NIPBL: variants seen among roughly 807,000 people sequenced by gnomAD.
NIPBL encodes nipped-B-like protein.
In NIPBL, 19 loss-of-function variants were observed where a neutral mutation model predicts 321.8. That is an observed-to-expected ratio of 0.06 (90% CI 0.04 to 0.09). The LOEUF (loss-of-function observed/expected upper bound fraction) is 0.09. Among genes scored for constraint, NIPBL ranks in the 10% least tolerant of loss-of-function variants. The pLI is 1.00. For missense variants in NIPBL, 2,210 were observed against 3,327.0 expected (o/e 0.66, Z 8.26); for synonymous variants, 1,106 against 1,114.1 (o/e 0.99, Z 0.14).
chr5:36,925,354 C>T (rs111820272), intron 1 of NIPBL, among the ~76,000 whole-genome samples: 1,879 of 151,418 alleles, frequency 0.012, 46 homozygotes, highest in African/African-American at 0.043. Context: ...CTGCAACCTC[C>T]GCCTCCTGGG....
At chr5:36,961,000 T>G (rs542316385) in intron 4 of NIPBL, among the ~76,000 whole-genome samples, 7 of 152,254 alleles carry the variant, frequency 4.6e-5, no homozygotes, top group African/African-American at 1.7e-4. Flanking sequence ...ATTCAAACTT[T>G]CGGCCCATAA....
At chr5:36,916,812 C>A (rs1236980417) in intron 1 of NIPBL, among the ~76,000 whole-genome samples, 1 of 152,126 alleles carries the variant, frequency 6.6e-6, no homozygotes, top group Non-Finnish European at 1.5e-5. Flanking sequence ...CATCCATGTC[C>A]CTACAAAGGA....
chr5:36,997,560 G>A (rs557786165), intron 11 of NIPBL, among the ~76,000 whole-genome samples: 2 of 152,100 alleles, frequency 1.3e-5, no homozygotes, highest in African/African-American at 4.8e-5. Context: ...TTATATCTAT[G>A]CCCAACTATA....
rs1561117712 is a variant in NIPBL at position 36,985,741 on chromosome 5, A to G, written c.2561A>G (p.His854Arg). The G allele has an allele frequency of 3.1e-6, 5 of 1,613,818 alleles. No homozygotes were observed. The highest frequency in any genetic ancestry group is 4.2e-6 in the Non-Finnish European group (5 of 1,179,930). ...TTGAGATCCTCTAGTAGAAATGAAC[A>G]TGGCATTAAATCTGATAGTTCAAAA... ...ETLRSSSRNEHGIKSDSSKTD... is the reference protein window; with the variant it reads ...ETLRSSSRNERGIKSDSSKTD... Residue 854 changes from histidine to arginine, a missense_variant, in exon 10 of 47, where the codon CAT becomes CGT. Physicochemically the swap from His to Arg is conservative, Grantham distance 29 (BLOSUM62 0). This residue lies in a region of NIPBL where 588 missense variants were observed against 564.1 expected (regional missense o/e 1.04). Transcript: ENST00000282516.
chr5:36,931,821 TA>T (rs1749801507), intron 1 of NIPBL, among the ~76,000 whole-genome samples: 1 of 150,756 alleles, frequency 6.6e-6, no homozygotes, highest in African/African-American at 2.4e-5. Flanking sequence ...CTTTTATCTT[TA>T]TTTTTTTCTT....
At chr5:36,897,204 A>G (rs1468602942) in intron 1 of NIPBL, among the ~76,000 whole-genome samples, 2 of 151,482 alleles carry the variant, frequency 1.3e-5, no homozygotes, top group Non-Finnish European at 2.9e-5. Flanking sequence ...GGGTTTCACT[A>G]TGTTGGCCAG....
intron 4 of NIPBL, among the ~76,000 whole-genome samples, chr5:36,959,179 C>T: frequency 6.6e-6 from 1 of 152,100 alleles, no homozygotes; most frequent in East Asian, 1.9e-4. Context: ...TGCCTTCCAG[C>T]CTGGGCGACA....
chr5:36,876,936 G>GC lies in NIPBL; in HGVS notation c.-315dup. On this transcript the variant is annotated 5_prime_UTR_variant, in exon 1 of 47. An upstream open reading frame in the 5' UTR loses its in-frame stop. Transcript: ENST00000282516. ...AATTGGTTCCCGGGCCCGCGGCGAT[G>GC]CCCCCCCGGTAGCTCGGGCCCGTGG... 1.6e-5 allele frequency: 6 copies of GC among 383,880 alleles called. No individual in the cohort carries two copies. Among genetic ancestry groups the GC allele is most frequent in the East Asian group, 3.7e-5 (1 of 26,940 alleles). The allele number at this position is 383,880 out of a possible 1,614,324, so 23.8% of individuals were successfully genotyped here.
Position 36,955,577 on chromosome 5 carries a change from G to C in NIPBL, c.170G>C (p.Arg57Thr), listed in dbSNP as rs756415457. 2 of 1,613,986 alleles carry C rather than the reference G, an allele frequency of 1.2e-6. No homozygotes were observed. Among genetic ancestry groups the C allele is most frequent in the Non-Finnish European group, 1.7e-6 (2 of 1,179,946 alleles). Residue 57 changes from arginine to threonine, a missense_variant, in exon 3 of 47, where the codon AGG becomes ACG. Physicochemically the swap from Arg to Thr is moderately conservative, Grantham distance 71. Coordinates refer to ENST00000282516, the MANE Select transcript of NIPBL (RefSeq NM_133433.4). Reference protein sequence around the residue: ...AEEVNCLLACRDDNLVSQLVH... With the variant: ...AEEVNCLLACTDDNLVSQLVH... ...GAGGTGAACTGCCTTTTGGCTTGTA[G>C]GGATGACAATTTGGTTTCACAGCTT...
chr5:36,935,909 C>G (rs1348663724), intron 1 of NIPBL, among the ~76,000 whole-genome samples: 1 of 152,078 alleles, frequency 6.6e-6, no homozygotes, highest in African/African-American at 2.4e-5. Flanking sequence ...GTGTCTGTCT[C>G]TTTCTTCTAT....
At chr5:37,027,302 TATTTTATTCACATTTATAA>T in intron 31 of NIPBL, 38 bp from the exon 32 acceptor site, 1 of 1,276,656 alleles carries the variant, frequency 7.8e-7, no homozygotes, top group Non-Finnish European at 1.1e-6. Context: ...AACAAAAGTA[TATTTTATTCACATTTATAA>T]ATATACTTCT....
intron 44 of NIPBL, among the ~76,000 whole-genome samples, chr5:37,060,580 C>T (rs1304071887): frequency 7.2e-5 from 11 of 152,052 alleles, no homozygotes; most frequent in Non-Finnish European, 1.5e-4. Context: ...TTGTTAATAA[C>T]CTGAAACAGG....
chr5:36,891,046 A>T (rs2149524012), intron 1 of NIPBL, among the ~76,000 whole-genome samples: 1 of 152,270 alleles, frequency 6.6e-6, no homozygotes, highest in Admixed American at 6.5e-5. Flanking sequence ...CGGGCGGATC[A>T]CGAAGTCAGG....
At chr5:36,961,707 T>G in intron 5 of NIPBL, 124 bp downstream of exon 5, 1 of 752,274 alleles carries the variant, frequency 1.3e-6, no homozygotes. Context: ...AATACTTAAA[T>G]AGTAATCCAC....
chr5:36,970,411 C>CTATA (rs34663125), intron 6 of NIPBL, among the ~76,000 whole-genome samples: 6,422 of 143,464 alleles, frequency 0.045, 377 homozygotes, highest in African/African-American at 0.14. Context: ...GAATTTAAAA[C>CTATA]TATATATATA....
chr5:36,973,771 T>A (rs947515889), intron 8 of NIPBL, among the ~76,000 whole-genome samples: 1 of 152,036 alleles, frequency 6.6e-6, no homozygotes, highest in Non-Finnish European at 1.5e-5. Context: ...ACCAGGCTTG[T>A]CGTCTAGGTT....
intron 10 of NIPBL, among the ~76,000 whole-genome samples, chr5:36,994,208 A>G (rs1037252289): frequency 2.0e-5 from 3 of 152,146 alleles, no homozygotes; most frequent in African/African-American, 7.2e-5. Context: ...ATGACACAGA[A>G]GTTAAACTCA....
chr5:37,005,152 C>T (rs970684147), intron 16 of NIPBL, among the ~76,000 whole-genome samples: 1 of 152,196 alleles, frequency 6.6e-6, no homozygotes, highest in Non-Finnish European at 1.5e-5. Flanking sequence ...TCTTCTTCCA[C>T]TGTGGCCCAG....
chr5:36,996,404 T>C lies in NIPBL; in HGVS notation c.3304+600T>C. The C allele has an allele frequency of 2.2e-6, 1 of 456,602 alleles. No individual in the cohort carries two copies. Among genetic ancestry groups the C allele is most frequent in the Admixed American group, 2.3e-5 (1 of 42,572 alleles). 28.3% of individuals were successfully genotyped at this position (456,602 alleles called of 1,614,324 possible). On this transcript the variant is annotated intron_variant, in intron 11 of 46. Transcript: ENST00000282516. The surrounding 1 kb of genome is among the most constrained non-coding windows in gnomAD (Gnocchi z 5.0). ...CCACATTGCAGATTATCTGTGTGGT[T>C]TGGACCTGGCTTCTCCTTTTTGCCC... is the stretch of plus-strand genomic sequence containing the variant.
Sources: allele counts gnomAD v4.1 joint callset (sites outside exome capture counted in the v4.1 genomes callset), GRCh38; gene constraint gnomAD v4.1.1; regional missense constraint gnomAD v4.1.1; non-coding constraint Gnocchi (gnomAD v3.1); transcripts MANE v1.5; gene names NCBI Gene and HGNC (gene_info 2026-07-23, HGNC 2026-07-21).